The following GALNT13 variants were observed in gnomAD, a reference collection of about 807,000 sequenced individuals.
GALNT13 encodes the protein UDP-GalNAc:polypeptide N-acetylgalactosaminyltransferase 13.
A neutral mutation model predicts 64.2 loss-of-function variants in GALNT13; 28 were observed. That is an observed-to-expected ratio of 0.44 (90% CI 0.32 to 0.60). The LOEUF is 0.60. GALNT13 is among the 20% of genes least tolerant of loss of function. The pLI is 0.05. For synonymous variants in GALNT13, 214 were observed against 224.6 expected, an observed-to-expected ratio of 0.95 and a Z score of 0.42; for missense variants, 577 against 669.8, an observed-to-expected ratio of 0.86 and a Z score of 1.53.
At chr2:153,095,033 C>T in the GALNT13 span, among the ~76,000 whole-genome samples, 1 of 152,050 alleles carries the variant, frequency 6.6e-6, no homozygotes, top group Non-Finnish European at 1.5e-5. Context: ...CCAAAATTGA[C>T]AAATGGGATC....
At chr2:153,538,323 A>G in the GALNT13 span, among the ~76,000 whole-genome samples, 1 of 56,306 alleles carries the variant, frequency 1.8e-5, no homozygotes, top group Non-Finnish European at 3.1e-5. Context: ...TTTTTTTTTA[A>G]TTCTTTTTTT....
chr2:153,574,094 G>A, the GALNT13 span, among the ~76,000 whole-genome samples: 1 of 150,674 alleles, frequency 6.6e-6, no homozygotes, highest in African/African-American at 2.4e-5. Flanking sequence ...CATATGTGAA[G>A]GATATCTTTG....
At chr2:153,347,486 T>C in the GALNT13 span, among the ~76,000 whole-genome samples, 1 of 151,946 alleles carries the variant, frequency 6.6e-6, no homozygotes, top group South Asian at 2.1e-4. Flanking sequence ...AAACACAGGA[T>C]CCTCTTCTGA....
the GALNT13 span, among the ~76,000 whole-genome samples, chr2:153,408,525 A>G: frequency 6.6e-6 from 1 of 152,232 alleles, no homozygotes; most frequent in African/African-American, 2.4e-5. Context: ...TACTTTGGCA[A>G]TCAAAAGGGA....
chr2:153,516,989 T>C, the GALNT13 span, among the ~76,000 whole-genome samples: 1 of 152,132 alleles, frequency 6.6e-6, no homozygotes, highest in Non-Finnish European at 1.5e-5. Context: ...TTAGTAACTA[T>C]TTTTTCCTCT....
chr2:153,179,141 TG>T, the GALNT13 span, among the ~76,000 whole-genome samples: 1 of 152,212 alleles, frequency 6.6e-6, no homozygotes, highest in Non-Finnish European at 1.5e-5. Flanking sequence ...TTTTCTCATA[TG>T]TTTTCTTCTA....
intron 3 of GALNT13, among the ~76,000 whole-genome samples, chr2:153,994,656 T>C (rs1219224465): frequency 1.3e-5 from 2 of 152,210 alleles, no homozygotes; most frequent in Non-Finnish European, 2.9e-5. Flanking sequence ...TTTGCATTTC[T>C]CTGATGGCCA....
chr2:153,209,240 A>G, the GALNT13 span, among the ~76,000 whole-genome samples: 49,902 of 151,740 alleles, frequency 0.33, 8,713 homozygotes, highest in Non-Finnish European at 0.38. Flanking sequence ...TCGGCCTCCC[A>G]AAGTGCTGGG....
intron 3 of GALNT13, among the ~76,000 whole-genome samples, chr2:154,099,028 A>G: frequency 6.6e-6 from 1 of 152,076 alleles, no homozygotes; most frequent in South Asian, 2.1e-4. Context: ...GCCAATTTAC[A>G]TTCCCACCTA....
chr2:154,291,630 G>A (rs1447132336), intron 8 of GALNT13, among the ~76,000 whole-genome samples: 2 of 152,128 alleles, frequency 1.3e-5, no homozygotes, highest in African/African-American at 4.8e-5. Context: ...CCCAGAACCC[G>A]GCCGGCCCAC....
At chr2:154,260,701 T>C (rs62171250) in intron 8 of GALNT13, among the ~76,000 whole-genome samples, 4,771 of 152,210 alleles carry the variant, frequency 0.031, 97 homozygotes, top group East Asian at 0.1. Flanking sequence ...ATGGTTCTTA[T>C]GGTGAAAGAA....
At chr2:154,167,443 T>C (rs900050126) in intron 4 of GALNT13, among the ~76,000 whole-genome samples, 1 of 152,208 alleles carries the variant, frequency 6.6e-6, no homozygotes, top group African/African-American at 2.4e-5. Context: ...AACTTTCAGA[T>C]ATTCGAATAT....
At chr2:154,078,220 T>G (rs927002301) in intron 3 of GALNT13, among the ~76,000 whole-genome samples, 1 of 151,550 alleles carries the variant, frequency 6.6e-6, no homozygotes, top group Non-Finnish European at 1.5e-5. Context: ...AGCACGTAAT[T>G]TCATTTAAAT....
At chr2:154,445,917 A>T (rs1037515817) in intron 12 of GALNT13, 51 of 658,836 alleles carry the variant, frequency 7.7e-5, no homozygotes, top group Non-Finnish European at 1.2e-4. Context: ...AGCAAGAAAC[A>T]GACAGATAAA....
At chr2:153,099,336 A>G in the GALNT13 span, among the ~76,000 whole-genome samples, 2 of 152,202 alleles carry the variant, frequency 1.3e-5, no homozygotes, top group Non-Finnish European at 2.9e-5. Flanking sequence ...ATGGATTAAA[A>G]ATGATCAAAA....
chr2:154,103,487 T>C (rs1373558398), intron 3 of GALNT13, among the ~76,000 whole-genome samples: 2 of 152,216 alleles, frequency 1.3e-5, no homozygotes, highest in African/African-American at 4.8e-5. Context: ...TCAGAATTTA[T>C]ATTTTGGTTG....
At chr2:153,675,501 A>G in the GALNT13 span, among the ~76,000 whole-genome samples, 1 of 152,148 alleles carries the variant, frequency 6.6e-6, no homozygotes. Flanking sequence ...TAACAAGAAC[A>G]CGTGGACACA....
At chr2:154,173,224 G>A (rs1308173956) in intron 4 of GALNT13, among the ~76,000 whole-genome samples, 4 of 151,848 alleles carry the variant, frequency 2.6e-5, no homozygotes, top group African/African-American at 9.7e-5. Context: ...ACATACACTG[G>A]GGAATGAACA....
the GALNT13 span, among the ~76,000 whole-genome samples, chr2:153,652,261 A>C: frequency 6.6e-6 from 1 of 152,174 alleles, no homozygotes; most frequent in Non-Finnish European, 1.5e-5. Flanking sequence ...CCTATTCTAA[A>C]GGTTGTAAAA....
Sources: allele counts gnomAD v4.1 joint callset (sites outside exome capture counted in the v4.1 genomes callset), GRCh38; gene constraint gnomAD v4.1.1; transcripts MANE v1.5; gene names NCBI Gene and HGNC (gene_info 2026-07-23, HGNC 2026-07-21).